LRP1B: variants seen among roughly 807,000 people sequenced by gnomAD.
LRP1B encodes low-density lipoprotein receptor-related protein 1B.
LRP1B carries 217 observed loss-of-function variants against 556.6 expected under a neutral mutation model. That is an observed-to-expected ratio of 0.39 (90% CI 0.35 to 0.44). The LOEUF is 0.44. Among genes scored for constraint, LRP1B ranks in the 20% least tolerant of loss-of-function variants. The probability of loss-of-function intolerance (pLI) is 1.00; values close to 1 mark genes in which losing one functional copy is unlikely to be tolerated. For synonymous variants in LRP1B, 2,047 were observed against 1,865.8 expected, an observed-to-expected ratio of 1.10 and a Z score of -2.50; for missense variants, 5,053 against 5,620.8, an observed-to-expected ratio of 0.90 and a Z score of 3.23.
chr2:140,851,593 T>C (rs1692457107), intron 28 of LRP1B, 59 bp downstream of exon 28: 1 of 1,565,802 alleles, frequency 6.4e-7, no homozygotes, highest in Non-Finnish European at 8.6e-7. Flanking sequence ...TGAATGCTAA[T>C]ATAATTTGAG....
chr2:141,878,092 AT>A (rs1179984730), intron 1 of LRP1B, among the ~76,000 whole-genome samples: 1 of 151,410 alleles, frequency 6.6e-6, no homozygotes, highest in Non-Finnish European at 1.5e-5. Context: ...TAAAAAAAAA[AT>A]CCCCTCTTAA....
intron 24 of LRP1B, among the ~76,000 whole-genome samples, chr2:140,885,661 A>G (rs916687776): frequency 1.1e-4 from 17 of 152,016 alleles, no homozygotes; most frequent in African/African-American, 4.1e-4. Context: ...ATTTATATCA[A>G]AGACTTTCTA....
At chr2:140,477,524 G>T (rs1305147782) in intron 59 of LRP1B, among the ~76,000 whole-genome samples, 2 of 151,952 alleles carry the variant, frequency 1.3e-5, no homozygotes, top group African/African-American at 4.8e-5. Flanking sequence ...AAGTGAAAAA[G>T]GGTTTCCATT....
At chr2:141,116,187 C>A (rs1198880305) in intron 7 of LRP1B, among the ~76,000 whole-genome samples, 1 of 152,064 alleles carries the variant, frequency 6.6e-6, no homozygotes, top group Non-Finnish European at 1.5e-5. Context: ...TTCATATACT[C>A]TAGCCTATTA....
At chr2:140,644,767 A>G (rs1362243115) in intron 41 of LRP1B, among the ~76,000 whole-genome samples, 2 of 152,130 alleles carry the variant, frequency 1.3e-5, no homozygotes, top group African/African-American at 2.4e-5. Flanking sequence ...CTGTCCTGGT[A>G]TATGACCCCA....
chr2:141,311,387 T>G (rs1370736941), intron 3 of LRP1B, among the ~76,000 whole-genome samples: 1 of 152,156 alleles, frequency 6.6e-6, no homozygotes, highest in Non-Finnish European at 1.5e-5. Flanking sequence ...GAAGATACAG[T>G]AGGATACTGG....
intron 1 of LRP1B, among the ~76,000 whole-genome samples, chr2:141,958,000 G>T (rs932682602): frequency 6.6e-6 from 1 of 152,008 alleles, no homozygotes; most frequent in South Asian, 2.1e-4. Flanking sequence ...AGTATTCTCT[G>T]TGAGTGTTGT....
intron 32 of LRP1B, among the ~76,000 whole-genome samples, chr2:140,789,719 C>T (rs1010239031): frequency 1.6e-4 from 24 of 146,202 alleles, no homozygotes; most frequent in African/African-American, 6.0e-4. Context: ...CAAGCTCCGC[C>T]TCCCGGGTTC....
chr2:140,804,649 A>AT (rs869167644), intron 32 of LRP1B, among the ~76,000 whole-genome samples: 20,960 of 57,420 alleles, frequency 0.37, 3,525 homozygotes, highest in East Asian at 0.45. Flanking sequence ...GTAAAAACTA[A>AT]TTTTTTTTTT....
chr2:140,281,285 C>T (rs1682902555), intron 84 of LRP1B, among the ~76,000 whole-genome samples: 2 of 151,892 alleles, frequency 1.3e-5, no homozygotes, highest in African/African-American at 2.4e-5. Flanking sequence ...TCTATAACTG[C>T]ATTTAACTTA....
intron 43 of LRP1B, among the ~76,000 whole-genome samples, chr2:140,584,438 T>C (rs1681903581): frequency 6.6e-6 from 1 of 152,048 alleles, no homozygotes; most frequent in Admixed American, 6.5e-5. Context: ...TAGCTATCTG[T>C]TATTTTAATC....
Position 141,474,000 on chromosome 2 carries a change from A to ATTCCTTCCTTCCTTCC in LRP1B, c.343+6380_343+6395dup, listed in dbSNP as rs70994427. 4.7e-3 allele frequency among the ~76,000 whole-genome samples: 616 copies of ATTCCTTCCTTCCTTCC among 130,568 alleles called. 4 individuals are homozygous for ATTCCTTCCTTCCTTCC. The highest frequency in any genetic ancestry group is 0.015 in the Middle Eastern group (4 of 260). 85.7% of individuals were successfully genotyped at this position (130,568 alleles called of 152,430 possible). A position where few individuals can be genotyped will look rare whatever the true frequency, so the allele number is the denominator to read the frequency against. On this transcript the variant is annotated intron_variant, in intron 3 of 90. Transcript: ENST00000389484. ...TTTTCTTCTTCAGTAGCTTTACTAA[A>ATTCCTTCCTTCCTTCC]TTCCTTCCTTCCTTCCTTCCTTCCT... is the stretch of plus-strand genomic sequence containing the variant.
chr2:140,363,973 C>A (rs900355337), intron 72 of LRP1B, among the ~76,000 whole-genome samples: 1 of 151,474 alleles, frequency 6.6e-6, no homozygotes, highest in Non-Finnish European at 1.5e-5. Flanking sequence ...ATAACAGGGA[C>A]CAAAAATGTT....
At chr2:140,511,292 CTTTTTTTT>C (rs70985101) in intron 51 of LRP1B, among the ~76,000 whole-genome samples, 9 of 58,456 alleles carry the variant, frequency 1.5e-4, no homozygotes, top group South Asian at 7.6e-4. Context: ...CTCTAAGGGT[CTTTTTTTT>C]TTTTTTTTTT....
chr2:140,675,331 G>A (rs1455026650), intron 41 of LRP1B, among the ~76,000 whole-genome samples: 1 of 152,122 alleles, frequency 6.6e-6, no homozygotes, highest in East Asian at 1.9e-4. Context: ...TAACAGTAGG[G>A]TGCTAATAAA....
chr2:140,941,651 T>C (rs1311645730), intron 20 of LRP1B, among the ~76,000 whole-genome samples: 3 of 152,136 alleles, frequency 2.0e-5, no homozygotes, highest in Admixed American at 1.3e-4. Context: ...AAACCTACCA[T>C]GGGAACCTAT....
At chr2:141,141,508 T>C (rs1011249155) in intron 7 of LRP1B, among the ~76,000 whole-genome samples, 3 of 152,188 alleles carry the variant, frequency 2.0e-5, no homozygotes, top group African/African-American at 7.2e-5. Flanking sequence ...ATCTTTGGAC[T>C]CACTTACTTT....
intron 2 of LRP1B, among the ~76,000 whole-genome samples, chr2:141,642,659 G>A (rs1276016224): frequency 6.6e-6 from 1 of 152,028 alleles, no homozygotes; most frequent in African/African-American, 2.4e-5. Context: ...GAAGAAGATG[G>A]ATGGCATGAG....
intron 1 of LRP1B, among the ~76,000 whole-genome samples, chr2:141,903,636 G>A (rs1435063589): frequency 2.6e-5 from 4 of 151,914 alleles, no homozygotes; most frequent in African/African-American, 9.7e-5. Context: ...AGTCGGTCAA[G>A]CAATTAAATT....
Sources: allele counts gnomAD v4.1 joint callset (sites outside exome capture counted in the v4.1 genomes callset), GRCh38; gene constraint gnomAD v4.1.1; transcripts MANE v1.5; gene names NCBI Gene and HGNC (gene_info 2026-07-23, HGNC 2026-07-21).